AGMO: variants seen among roughly 807,000 people sequenced by gnomAD.
AGMO encodes glyceryl-ether monooxygenase.
In AGMO, 75 loss-of-function variants were observed where a neutral mutation model predicts 60.2. The observed-to-expected ratio is 1.25, with a 90% confidence interval of 1.03 to 1.51. AGMO has a LOEUF of 1.51. Ranked by LOEUF, AGMO falls within the 40% of genes most tolerant of loss-of-function variation. The probability of loss-of-function intolerance (pLI) is 0.00; values close to 1 mark genes in which losing one functional copy is unlikely to be tolerated. For synonymous variants in AGMO, 261 were observed against 177.1 expected (o/e 1.47, Z -3.76); for missense variants, 763 against 525.5 (o/e 1.45, Z -4.42).
chr7:15,300,215 G>GA (rs1417654714), intron 12 of AGMO, among the ~76,000 whole-genome samples: 2 of 152,100 alleles, frequency 1.3e-5, no homozygotes, highest in African/African-American at 4.8e-5. Flanking sequence ...AGATAGAGGG[G>GA]AAAAAATTAA....
At chr7:15,298,254 C>T (rs1454135665) in intron 12 of AGMO, among the ~76,000 whole-genome samples, 2 of 152,178 alleles carry the variant, frequency 1.3e-5, no homozygotes, top group Non-Finnish European at 2.9e-5. Context: ...TAGCTCAACA[C>T]ATAATTTTAG....
intron 12 of AGMO, among the ~76,000 whole-genome samples, chr7:15,268,293 C>T (rs1783492930): frequency 6.6e-6 from 1 of 151,928 alleles, no homozygotes; most frequent in Admixed American, 6.6e-5. Context: ...AAAGCCTTTC[C>T]TTTATTACCT....
chr7:15,524,862 C>CAAA (rs5882524), intron 3 of AGMO, among the ~76,000 whole-genome samples: 2 of 135,536 alleles, frequency 1.5e-5, no homozygotes, highest in Non-Finnish European at 1.6e-5. Context: ...AATTCCATCT[C>CAAA]AAAAAAAAAA....
the AGMO span, among the ~76,000 whole-genome samples, chr7:15,134,472 G>A: frequency 6.6e-6 from 1 of 152,090 alleles, no homozygotes; most frequent in Admixed American, 6.6e-5. Flanking sequence ...CCCTCAAGTA[G>A]GCCCTGGTGT....
intron 12 of AGMO, among the ~76,000 whole-genome samples, chr7:15,227,135 C>T (rs527971980): frequency 6.6e-6 from 1 of 152,072 alleles, no homozygotes; most frequent in African/African-American, 2.4e-5. Context: ...ATAAAGCCAC[C>T]TTTAACTTTG....
intron 12 of AGMO, among the ~76,000 whole-genome samples, chr7:15,349,891 C>A (rs1277756009): frequency 1.3e-5 from 2 of 152,146 alleles, no homozygotes; most frequent in Admixed American, 1.3e-4. Flanking sequence ...TTACCTCTTA[C>A]TGGGTCCCCT....
chr7:15,270,499 G>A (rs1017447350), intron 12 of AGMO, among the ~76,000 whole-genome samples: 1 of 148,480 alleles, frequency 6.7e-6, no homozygotes, highest in Non-Finnish European at 1.5e-5. Flanking sequence ...ACTTGTTTGA[G>A]TTCCTCACAT....
the AGMO span, among the ~76,000 whole-genome samples, chr7:15,133,240 T>TG: frequency 1.3e-5 from 2 of 152,294 alleles, no homozygotes; most frequent in East Asian, 3.9e-4. Context: ...AATAACCTAT[T>TG]TAGGAATTGC....
chr7:15,166,141 T>C, the AGMO span, among the ~76,000 whole-genome samples: 1 of 151,940 alleles, frequency 6.6e-6, no homozygotes, highest in Non-Finnish European at 1.5e-5. Context: ...ATTATATCGA[T>C]TCTAGAGACG....
intron 8 of AGMO, among the ~76,000 whole-genome samples, chr7:15,388,437 C>G (rs907410250): frequency 1.3e-5 from 2 of 152,056 alleles, no homozygotes; most frequent in Non-Finnish European, 1.5e-5. Context: ...AATAATAATA[C>G]AGAAAACCAA....
At chr7:15,189,233 A>G in the AGMO span, among the ~76,000 whole-genome samples, 1 of 152,186 alleles carries the variant, frequency 6.6e-6, no homozygotes, top group Non-Finnish European at 1.5e-5. Context: ...GAGGAGTAAG[A>G]ACTGCCATGA....
At chr7:15,187,783 C>G in the AGMO span, among the ~76,000 whole-genome samples, 1 of 152,076 alleles carries the variant, frequency 6.6e-6, no homozygotes, top group South Asian at 2.1e-4. Context: ...GGAGAAGAGT[C>G]AAGAAAGGGC....
rs1053116924 is a variant in AGMO at position 15,400,832 on chromosome 7, T to G, written c.610-6653A>C. On this transcript the variant is annotated intron_variant, in intron 5 of 12. Transcript: ENST00000342526. ...TGGCAAGTGAATACCATAAATTATT[T>G]TATATTATCTGAGTTCAGTTTTATG... 3.3e-4 allele frequency among the ~76,000 whole-genome samples: 50 copies of G among 152,178 alleles called. 2 individuals are homozygous for G. Among genetic ancestry groups the G allele is most frequent in the Admixed American group, 2.9e-3 (45 of 15,266 alleles).
At chr7:15,370,953 A>T (rs1029600787) in intron 10 of AGMO, among the ~76,000 whole-genome samples, 2 of 152,128 alleles carry the variant, frequency 1.3e-5, no homozygotes, top group African/African-American at 4.8e-5. Flanking sequence ...CTTACTCATA[A>T]ATTATTTCCC....
chr7:15,241,878 T>C (rs112210307), intron 12 of AGMO, among the ~76,000 whole-genome samples: 3 of 152,256 alleles, frequency 2.0e-5, no homozygotes, highest in African/African-American at 7.2e-5. Context: ...CTAAGCTCAT[T>C]CAGTTTTTGG....
At chr7:15,307,215 A>T (rs1780640311) in intron 12 of AGMO, among the ~76,000 whole-genome samples, 1 of 152,128 alleles carries the variant, frequency 6.6e-6, no homozygotes, top group Non-Finnish European at 1.5e-5. Context: ...ATATTCCCTT[A>T]TGACAGACTG....
chr7:15,270,607 T>C (rs1292518421), intron 12 of AGMO, among the ~76,000 whole-genome samples: 2 of 39,890 alleles, frequency 5.0e-5, no homozygotes, highest in East Asian at 1.8e-3. Context: ...TTTTTTTTTT[T>C]TTTTTTTTTT....
At chr7:15,199,987 C>G (rs1481431476), downstream of AGMO, among the ~76,000 whole-genome samples, 1 of 152,146 alleles carries the variant, frequency 6.6e-6, no homozygotes, top group East Asian at 1.9e-4. Context: ...ATATTTTTGT[C>G]CATTCAAAGA....
At chr7:15,118,173 AACACACACACAC>A in the AGMO span, among the ~76,000 whole-genome samples, 158 of 144,684 alleles carry the variant, frequency 1.1e-3, 1 homozygote, top group South Asian at 7.5e-3. Flanking sequence ...ACTAAAGAGA[AACACACACACAC>A]ACACACACAC....
Sources: allele counts gnomAD v4.1 joint callset (sites outside exome capture counted in the v4.1 genomes callset), GRCh38; gene constraint gnomAD v4.1.1; transcripts MANE v1.5; gene names NCBI Gene and HGNC (gene_info 2026-07-23, HGNC 2026-07-21).